Variants in XDH observed in about 807,000 individuals in gnomAD.
XDH encodes xanthine dehydrogenase, also known as xanthine dehydrogenase/oxidase.
A neutral mutation model predicts 156.1 loss-of-function variants in XDH; 138 were observed. The observed-to-expected ratio is 0.88, with a 90% CI of 0.77 to 1.02. XDH has a LOEUF of 1.02. XDH is among the 50% of genes least tolerant of loss of function. XDH has a pLI of 0.00. For missense variants in XDH, 1,849 were observed against 1,684.9 expected (o/e 1.10, Z -1.71); for synonymous variants, 669 against 625.7 (o/e 1.07, Z -1.03).
In XDH at chr2:31,342,323, C is replaced by A. The variant is rs769597048; in HGVS notation, c.3405-26G>T. ...CTGGGAGAGGAAAGAGAAGGTACTG[C>A]ACATGTATTAACATGAACACACCCC... is the stretch of plus-strand genomic sequence containing the variant. On this transcript the variant is annotated intron_variant, in intron 31 of 35. Coordinates refer to ENST00000379416, the MANE Select transcript of XDH (RefSeq NM_000379.4). 1.9e-6 allele frequency: 3 copies of A among 1,590,098 alleles called. No individual in the cohort carries two copies. In the African/African-American group the frequency reaches 4.0e-5, roughly 21 times the overall value.
At chr2:31,362,838 T>A (rs991797597) in intron 24 of XDH, among the ~76,000 whole-genome samples, 1 of 152,086 alleles carries the variant, frequency 6.6e-6, no homozygotes, top group South Asian at 2.1e-4. Context: ...TCAAGAGAAA[T>A]CAAAATACAT....
At chr2:31,406,055 T>C in intron 1 of XDH, 91 bp from the exon 2 acceptor site, 1 of 1,395,730 alleles carries the variant, frequency 7.2e-7, no homozygotes, top group South Asian at 1.2e-5. Context: ...CACTCAATAA[T>C]TTGTAGAGTT....
Position 31,346,799 on chromosome 2 carries a change from C to A in XDH, c.3321G>T (p.Lys1107Asn). The A allele has an allele frequency of 6.2e-7, 1 of 1,614,190 alleles. No homozygotes were observed. Residue 1107 changes from lysine to asparagine, a missense_variant, in exon 30 of 36, where the codon AAG (lysine) becomes AAT (asparagine). Lys to Asn is a moderately conservative substitution (Grantham distance 94, BLOSUM62 0). Coordinates refer to ENST00000379416, the MANE Select transcript of XDH (RefSeq NM_000379.4). ...TILKRLEPYK[K>N]KNPSGSWEDW... ...CTTCCCAGGAGCCACTGGGATTCTT[C>A]TTCTTGTAGGGTTCCAGCCTTTTCA...
intron 24 of XDH, among the ~76,000 whole-genome samples, chr2:31,362,721 C>G (rs1328880214): frequency 6.6e-6 from 1 of 152,074 alleles, no homozygotes; most frequent in African/African-American, 2.4e-5. Flanking sequence ...ATAATAAAGC[C>G]CAGCTCTCCC....
rs868796867 is a variant in XDH, at chr2:31,378,135, G to A, written c.1243-898C>T. Among the ~76,000 whole-genome samples the A allele has an allele frequency of 2.2e-3, 167 of 75,554 alleles. 1 individual carries two copies. The highest frequency in any genetic ancestry group is 5.6e-3 in the Middle Eastern group (1 of 180). 49.6% of individuals were successfully genotyped at this position (75,554 alleles called of 152,430 possible). A position where few individuals can be genotyped will look rare whatever the true frequency, so the allele number is the denominator to read the frequency against. On this transcript the variant is annotated intron_variant, in intron 13 of 35. Coordinates refer to ENST00000379416, the MANE Select transcript of XDH (RefSeq NM_000379.4). Reference sequence around the variant, plus strand: ...GGAAGGAAGGAAGGAAGGAAGGAAGGAAGGAAGGAAGGAAGGAAGGAAGGA... The same window carrying A: ...GGAAGGAAGGAAGGAAGGAAGGAAGAAAGGAAGGAAGGAAGGAAGGAAGGA...
At position 31,377,161 on chromosome 2, in the gene XDH, A is replaced by G; in HGVS notation, c.1319T>C (p.Val440Ala). The change falls in exon 14 of 36, where the codon GTT (valine) becomes GCT (alanine). Residue 440 changes from valine to alanine, a missense_variant. Coordinates refer to ENST00000379416, the MANE Select transcript of XDH (RefSeq NM_000379.4). ...CTCTGTGGTTCCTGGCTTGAATAAA[A>G]CTCTCATGCCACTGGTTACCTTGGC... is the stretch of plus-strand genomic sequence containing the variant. ...DIAKVTSGMR[V>A]LFKPGTTEVQ... The G allele has an allele frequency of 6.2e-7, 1 of 1,613,632 alleles. No individual in the cohort carries two copies. Among genetic ancestry groups the G allele is most frequent in the Non-Finnish European group, 8.5e-7 (1 of 1,179,886 alleles).
chr2:31,338,869 A>G (rs207439), intron 34 of XDH, among the ~76,000 whole-genome samples: 146,542 of 151,782 alleles, frequency 0.97, 70,759 homozygotes, highest in East Asian at 1. Context: ...GATTACAGGC[A>G]TGTCCCACCA....
At chr2:31,393,128 T>G (rs1246424112) in intron 6 of XDH, among the ~76,000 whole-genome samples, 1 of 152,258 alleles carries the variant, frequency 6.6e-6, no homozygotes, top group Non-Finnish European at 1.5e-5. Context: ...TAAAGTAGTC[T>G]ATAAATGTCA....
rs564392667 is a variant in XDH at position 31,372,170 on chromosome 2, G to A, written c.1856+58C>T. ...TAGCAGGGTGAGAGAAGTCTCCTGGGTACTCCCAGTGGCCCCCTCACAGCA... is the reference window on the plus strand; with the variant it reads ...TAGCAGGGTGAGAGAAGTCTCCTGGATACTCCCAGTGGCCCCCTCACAGCA... On this transcript the variant is annotated intron_variant, in intron 17 of 35. Coordinates refer to ENST00000379416, the MANE Select transcript of XDH (RefSeq NM_000379.4). 2.5e-5 allele frequency: 40 copies of A among 1,613,000 alleles called. No homozygotes were observed. In the South Asian group the frequency reaches 4.4e-4, roughly 18 times the overall value.
intron 15 of XDH, 78 bp downstream of exon 15, chr2:31,375,302 C>G (rs1686214295): frequency 1.9e-6 from 3 of 1,593,392 alleles, no homozygotes; most frequent in Non-Finnish European, 2.6e-6. Flanking sequence ...AGGAGAGGAG[C>G]AAATTTACTA....
At chr2:31,373,593 C>T (rs1390575090) in intron 16 of XDH, among the ~76,000 whole-genome samples, 1 of 151,662 alleles carries the variant, frequency 6.6e-6, no homozygotes, top group Non-Finnish European at 1.5e-5. Context: ...AGACGTCTGG[C>T]TTTGTACATT....
At chr2:31,380,064 C>G in intron 12 of XDH, 88 bp from the exon 13 acceptor site, 2 of 1,303,764 alleles carry the variant, frequency 1.5e-6, no homozygotes, top group Non-Finnish European at 2.2e-6. Context: ...CAGTGGGATT[C>G]TTCATGCTGG....
intron 33 of XDH, 64 bp from the exon 34 acceptor site, chr2:31,339,741 G>C: frequency 6.3e-7 from 1 of 1,590,248 alleles, no homozygotes. Context: ...GATACCACTT[G>C]CCACAATGGA....
chr2:31,337,340 T>C (rs888513023), intron 35 of XDH, among the ~76,000 whole-genome samples: 3 of 152,198 alleles, frequency 2.0e-5, no homozygotes, highest in African/African-American at 7.2e-5. Context: ...TGGAGTTTCA[T>C]CCATCATCCT....
chr2:31,342,357 T>A, intron 31 of XDH, 60 bp from the exon 32 acceptor site: 4 of 1,417,956 alleles, frequency 2.8e-6, no homozygotes, highest in Non-Finnish European at 4.0e-6. Flanking sequence ...CCCTTCCCTA[T>A]GCACGTACAG....
Position 31,368,557 on chromosome 2 carries a change from G to A in XDH, c.2084C>T (p.Ala695Val), listed in dbSNP as rs142001530. ...GVKITYEELP[A>V]IITIEDAIKN... Reference sequence around the variant, plus strand: ...CTCAGTTACCTCAATTGTGATAATGGCTGGTAGTTCTTCATAGGTGATTTT... The same window carrying A: ...CTCAGTTACCTCAATTGTGATAATGACTGGTAGTTCTTCATAGGTGATTTT... Residue 695 changes from alanine (A) to valine (V), a missense_variant, in exon 19 of 36, where the codon GCC becomes GTC. Ala to Val is a moderately conservative substitution (Grantham distance 64, BLOSUM62 0). Coordinates refer to ENST00000379416, the MANE Select transcript of XDH (RefSeq NM_000379.4). The A allele has an allele frequency of 3.1e-6, 5 of 1,614,020 alleles. No individual in the cohort carries two copies. The highest frequency in any genetic ancestry group is 4.2e-6 in the Non-Finnish European group (5 of 1,180,032).
At chr2:31,386,983 G>A (rs1248984118) in intron 8 of XDH, among the ~76,000 whole-genome samples, 1 of 63,852 alleles carries the variant, frequency 1.6e-5, no homozygotes, top group African/African-American at 6.2e-5. Flanking sequence ...AGGGAGGGAG[G>A]GAAGAAAGGA....
intron 24 of XDH, among the ~76,000 whole-genome samples, chr2:31,358,032 C>T (rs1362648723): frequency 2.6e-5 from 4 of 151,166 alleles, no homozygotes; most frequent in Middle Eastern, 3.2e-3. Context: ...GACAGATCAA[C>T]GAGACAGAAA....
At chr2:31,360,701 G>C (rs1296670600) in intron 24 of XDH, among the ~76,000 whole-genome samples, 2 of 152,158 alleles carry the variant, frequency 1.3e-5, no homozygotes, top group Non-Finnish European at 2.9e-5. Context: ...AGTACTATCT[G>C]AGGTTTCAGG....
Sources: allele counts gnomAD v4.1 joint callset (sites outside exome capture counted in the v4.1 genomes callset), GRCh38; gene constraint gnomAD v4.1.1; transcripts MANE v1.5; gene names NCBI Gene and HGNC (gene_info 2026-07-23, HGNC 2026-07-21).